Variants in DNAH3 observed in about 807,000 individuals in gnomAD.
The protein encoded by DNAH3 is dynein axonemal heavy chain 3, also known as axonemal beta dynein heavy chain 3.
DNAH3 carries 332 observed loss-of-function variants against 432.5 expected under a neutral mutation model. That is an observed-to-expected ratio of 0.77 (90% CI 0.70 to 0.84). The LOEUF is 0.84. DNAH3 is among the 40% of genes least tolerant of loss of function. DNAH3 has a pLI of 0.00. For synonymous variants in DNAH3, 1,956 were observed against 1,900.2 expected, an observed-to-expected ratio of 1.03 and a Z score of -0.76; for missense variants, 4,861 against 5,114.0, an observed-to-expected ratio of 0.95 and a Z score of 1.51.
chr16:21,042,110 G>A (rs773378497), exon 32 of DNAH3: 9 of 1,613,870 alleles, frequency 5.6e-6, no homozygotes, highest in Admixed American at 3.3e-5. Flanking sequence ...TTCAGAGAGA[G>A]CTCAGTCCCT....
intron 32 of DNAH3, among the ~76,000 whole-genome samples, chr16:21,041,207 C>A (rs569259114): frequency 6.6e-6 from 1 of 152,156 alleles, no homozygotes; most frequent in South Asian, 2.1e-4. Context: ...TCTATCTCTA[C>A]TAAAAATACA....
At chr16:21,121,968 T>C (rs1257725195) in exon 10 of DNAH3, 1 of 1,612,982 alleles carries the variant, frequency 6.2e-7, no homozygotes. Flanking sequence ...TTAGAGTTCT[T>C]AATAATTTCC....
chr16:21,130,927 A>G (rs944339127), intron 7 of DNAH3, among the ~76,000 whole-genome samples: 1 of 152,002 alleles, frequency 6.6e-6, no homozygotes, highest in Non-Finnish European at 1.5e-5. Flanking sequence ...GCTTGTACTT[A>G]AAGCAATACC....
chr16:20,984,181 A>G (rs78702818), intron 48 of DNAH3, among the ~76,000 whole-genome samples: 55 of 123,806 alleles, frequency 4.4e-4, no homozygotes, highest in African/African-American at 8.2e-4. Context: ...GTGTGTGTGT[A>G]TATGTGTGCA....
At chr16:21,067,769 T>TGGGGGGGGGTGGGGGGGG (rs2090613226) in intron 23 of DNAH3, among the ~76,000 whole-genome samples, 2 of 21,680 alleles carry the variant, frequency 9.2e-5, no homozygotes, top group African/African-American at 3.9e-4. Context: ...GGGGGGGGGG[T>TGGGGGGGGGTGGGGGGGG]GGGGAGGGAG....
intron 9 of DNAH3, 60 bp from the exon 11 acceptor site, chr16:21,122,184 G>C (rs1032756545): frequency 1.4e-6 from 2 of 1,415,638 alleles, no homozygotes; most frequent in East Asian, 2.3e-5. Context: ...AATCAAGGGA[G>C]TGAATTTTAT....
chr16:21,005,324 CTTCCTTCCTTCT>C (rs1295903239), intron 41 of DNAH3, among the ~76,000 whole-genome samples: 1 of 147,840 alleles, frequency 6.8e-6, no homozygotes, highest in Admixed American at 6.9e-5. Flanking sequence ...CCCTCCCTCC[CTTCCTTCCTTCT>C]TTCCTTCCTT....
intron 44 of DNAH3, among the ~76,000 whole-genome samples, chr16:20,994,851 T>A (rs28868590): frequency 0.44 from 65,343 of 149,546 alleles, 14,655 homozygotes; most frequent in African/African-American, 0.57. Flanking sequence ...TCTTTTTTTT[T>A]AAAAAAATCC....
chr16:21,118,357 G>T (rs976796664), intron 11 of DNAH3, among the ~76,000 whole-genome samples: 2 of 152,184 alleles, frequency 1.3e-5, no homozygotes, highest in African/African-American at 4.8e-5. Flanking sequence ...TAAGCCCAGA[G>T]AAAACAAACG....
chr16:21,094,693 T>C (rs1242776278), intron 18 of DNAH3, among the ~76,000 whole-genome samples: 2 of 151,990 alleles, frequency 1.3e-5, no homozygotes, highest in Non-Finnish European at 2.9e-5. Context: ...TGGACAATAA[T>C]ACCCAGTGGC....
intron 44 of DNAH3, among the ~76,000 whole-genome samples, chr16:20,994,598 T>G (rs148789967): frequency 1.3e-5 from 2 of 152,318 alleles, no homozygotes; most frequent in Non-Finnish European, 2.9e-5. Context: ...TACAGAACTT[T>G]CATCTTCCCA....
chr16:21,097,119 G>A lies in DNAH3; in HGVS notation c.2665+236C>T, dbSNP rs146733160. 2.2e-4 allele frequency among the ~76,000 whole-genome samples: 33 copies of A among 152,258 alleles called. No individual in the cohort carries two copies. The East Asian group carries it at 5.0e-3, about 23-fold the overall frequency. On this transcript the variant is annotated intron_variant, in intron 18 of 61. Coordinates refer to ENST00000261383, the Ensembl canonical transcript of DNAH3. ...CTCCTACCATCTGCAAATCTAAGTCGTGACTCTGGGTGGCTGCCTATTGTG... is the reference window on the plus strand; with the variant it reads ...CTCCTACCATCTGCAAATCTAAGTCATGACTCTGGGTGGCTGCCTATTGTG...
chr16:20,964,812 C>T lies in DNAH3; in HGVS notation c.9072G>A (p.Trp3024Ter), dbSNP rs148298506. Reference sequence around the variant, plus strand: ...TGACCTTGTCCTTACATTCAGCCAACCACTGATTTTGGCACTGGACCCGAT... The same window carrying T: ...TGACCTTGTCCTTACATTCAGCCAATCACTGATTTTGGCACTGGACCCGAT... The change falls in exon 53 of 62, where the codon TGG becomes TGA. Residue 3024 changes from tryptophan to a stop codon, truncating the protein, a stop_gained. Coordinates refer to ENST00000261383, the Ensembl canonical transcript of DNAH3. LOFTEE classifies it high-confidence loss of function. 1,251 of 1,614,104 alleles carry T rather than the reference C, an allele frequency of 7.8e-4. 2 individuals carry two copies. The highest frequency in any genetic ancestry group is 6.2e-4 in the Non-Finnish European group (733 of 1,180,024).
intron 20 of DNAH3, among the ~76,000 whole-genome samples, chr16:21,079,001 A>C (rs1271952445): frequency 6.6e-6 from 1 of 152,212 alleles, no homozygotes; most frequent in Non-Finnish European, 1.5e-5. Flanking sequence ...GCACAGAAGG[A>C]AACAACTTAG....
intron 3 of DNAH3, among the ~76,000 whole-genome samples, chr16:21,143,956 T>G (rs1329205201): frequency 6.6e-6 from 1 of 152,104 alleles, no homozygotes; most frequent in Non-Finnish European, 1.5e-5. Flanking sequence ...AATTGGAAGA[T>G]GTAATTAAGA....
chr16:20,988,664 T>C (rs1455837702), intron 44 of DNAH3, among the ~76,000 whole-genome samples: 2 of 152,220 alleles, frequency 1.3e-5, no homozygotes, highest in East Asian at 3.8e-4. Context: ...GTCTATCAAT[T>C]CAGGAATACT....
At chr16:21,154,329 C>T (rs138389332) in intron 1 of DNAH3, among the ~76,000 whole-genome samples, 107 of 152,000 alleles carry the variant, frequency 7.0e-4, no homozygotes, top group African/African-American at 2.5e-3. Flanking sequence ...TGCATGAACA[C>T]AGGAGGTGGA....
chr16:20,995,191 C>A (rs1234620322), intron 44 of DNAH3, among the ~76,000 whole-genome samples: 1 of 152,158 alleles, frequency 6.6e-6, no homozygotes, highest in East Asian at 1.9e-4. Context: ...AGTAATCTGC[C>A]CGCTTTGGCA....
exon 36 of DNAH3, chr16:21,033,974 C>T (rs1028892708): frequency 6.2e-7 from 1 of 1,612,038 alleles, no homozygotes; most frequent in Non-Finnish European, 8.5e-7. Context: ...TGAGCTTTAC[C>T]TGCGTGTAAA....
Sources: allele counts gnomAD v4.1 joint callset (sites outside exome capture counted in the v4.1 genomes callset), GRCh38; gene constraint gnomAD v4.1.1; transcripts MANE v1.5; gene names NCBI Gene and HGNC (gene_info 2026-07-23, HGNC 2026-07-21).